The following DLG2 variants were observed in gnomAD, a reference collection of about 807,000 sequenced individuals.
DLG2 encodes the protein discs large MAGUK scaffold protein 2, also known as disks large homolog 2.
In DLG2, 45 loss-of-function variants were observed where a neutral mutation model predicts 132.5. The ratio of observed to expected loss-of-function variants is 0.34; its 90% confidence interval spans 0.27 to 0.44. The LOEUF is 0.44. Ranked by LOEUF, DLG2 falls within the 20% of genes least tolerant of loss-of-function variation. The pLI is 1.00. For synonymous variants in DLG2, 424 were observed against 419.6 expected (o/e 1.01, Z -0.13); for missense variants, 1,045 against 1,196.9 (o/e 0.87, Z 1.87).
intron 9 of DLG2, among the ~76,000 whole-genome samples, chr11:84,130,808 C>A (rs894297889): frequency 6.6e-6 from 1 of 151,346 alleles, no homozygotes; most frequent in African/African-American, 2.4e-5. Context: ...AGCAAATGGC[C>A]CCAGTTGCTT....
intron 10 of DLG2, among the ~76,000 whole-genome samples, chr11:84,098,615 C>A (rs756698502): frequency 6.6e-6 from 1 of 152,028 alleles, no homozygotes; most frequent in East Asian, 1.9e-4. Context: ...ATTATTTGCC[C>A]GTTAGTTCAT....
intron 6 of DLG2, chr11:84,545,480 A>C: frequency 2.4e-6 from 1 of 417,038 alleles, no homozygotes; most frequent in Non-Finnish European, 4.7e-6. Context: ...AACCACCACC[A>C]AAGCATCCAG....
intron 18 of DLG2, among the ~76,000 whole-genome samples, chr11:83,715,752 A>G (rs2086549066): frequency 6.6e-6 from 1 of 152,166 alleles, no homozygotes; most frequent in African/African-American, 2.4e-5. Context: ...TACTCATCTA[A>G]GCTCCTGCCT....
intron 3 of DLG2, among the ~76,000 whole-genome samples, chr11:85,353,853 G>C (rs1260888997): frequency 2.0e-5 from 3 of 152,080 alleles, no homozygotes; most frequent in Non-Finnish European, 2.9e-5. Context: ...TGGGAGGAAG[G>C]GGGAGGGATA....
intron 7 of DLG2, among the ~76,000 whole-genome samples, chr11:84,448,771 C>T (rs375130719): frequency 1.8e-4 from 28 of 152,050 alleles, no homozygotes; most frequent in African/African-American, 5.8e-4. Context: ...TGTTTCCCTC[C>T]GAACGCCTAT....
chr11:83,503,116 G>T (rs1243202848), intron 21 of DLG2, among the ~76,000 whole-genome samples: 13 of 151,712 alleles, frequency 8.6e-5, no homozygotes, highest in Non-Finnish European at 1.8e-4. Context: ...TGCACGCAAA[G>T]TACTCAAGGG....
At chr11:84,280,035 A>T (rs1021675647) in intron 7 of DLG2, among the ~76,000 whole-genome samples, 1 of 152,336 alleles carries the variant, frequency 6.6e-6, no homozygotes, top group Admixed American at 6.5e-5. Flanking sequence ...CAAACAGTGT[A>T]ACAAGGCAAG....
intron 18 of DLG2, among the ~76,000 whole-genome samples, chr11:83,762,900 G>A (rs536991085): frequency 2.6e-5 from 4 of 152,282 alleles, no homozygotes; most frequent in African/African-American, 9.6e-5. Context: ...ATTGTTATAT[G>A]ACAGCTTCTT....
At chr11:84,711,141 T>C (rs1295024459) in intron 6 of DLG2, among the ~76,000 whole-genome samples, 2 of 151,372 alleles carry the variant, frequency 1.3e-5, no homozygotes, top group Non-Finnish European at 2.9e-5. Flanking sequence ...AGTAAATCCA[T>C]AACCTTATGA....
intron 6 of DLG2, among the ~76,000 whole-genome samples, chr11:84,540,568 T>C (rs1044493460): frequency 4.6e-5 from 7 of 152,038 alleles, no homozygotes; most frequent in African/African-American, 1.4e-4. Context: ...TGTGGAGAAA[T>C]AGGAACACTT....
At chr11:84,042,890 G>A (rs982042532) in intron 11 of DLG2, among the ~76,000 whole-genome samples, 4 of 151,922 alleles carry the variant, frequency 2.6e-5, no homozygotes, top group South Asian at 2.1e-4. Flanking sequence ...AGGGGGTGAG[G>A]TGCAGGGAGG....
intron 11 of DLG2, among the ~76,000 whole-genome samples, chr11:84,029,009 A>G (rs2095618445): frequency 6.6e-6 from 1 of 152,154 alleles, no homozygotes; most frequent in African/African-American, 2.4e-5. Context: ...GAATGAACAA[A>G]TCAACTTTAA....
chr11:85,351,556 A>G (rs1320008182), intron 3 of DLG2, among the ~76,000 whole-genome samples: 1 of 152,192 alleles, frequency 6.6e-6, no homozygotes, highest in Non-Finnish European at 1.5e-5. Flanking sequence ...TTTGTCATAA[A>G]TAGCTCTTAT....
intron 21 of DLG2, among the ~76,000 whole-genome samples, chr11:83,512,860 A>G (rs1025408433): frequency 6.6e-6 from 1 of 152,088 alleles, no homozygotes; most frequent in African/African-American, 2.4e-5. Context: ...AAGGACATGA[A>G]CTCATCATTT....
At chr11:84,238,952 A>G (rs974306961) in intron 8 of DLG2, among the ~76,000 whole-genome samples, 1 of 152,184 alleles carries the variant, frequency 6.6e-6, no homozygotes, top group African/African-American at 2.4e-5. Flanking sequence ...AGAGCCAATA[A>G]ATTGGGCAGC....
chr11:83,491,431 A>G (rs998136497), intron 21 of DLG2, among the ~76,000 whole-genome samples: 3 of 152,058 alleles, frequency 2.0e-5, no homozygotes, highest in Middle Eastern at 3.2e-3. Flanking sequence ...CAAGATGCCA[A>G]TCATTCTAAT....
At chr11:84,124,562 T>C (rs2094076756) in intron 9 of DLG2, among the ~76,000 whole-genome samples, 2 of 152,234 alleles carry the variant, frequency 1.3e-5, no homozygotes, top group African/African-American at 4.8e-5. Context: ...GATAGACGCT[T>C]AACAAATGTT....
At chr11:83,915,419 T>A (rs527369770) in intron 15 of DLG2, among the ~76,000 whole-genome samples, 9 of 152,304 alleles carry the variant, frequency 5.9e-5, no homozygotes, top group Non-Finnish European at 1.0e-4. Context: ...CTATCATCTT[T>A]ATCAGTGAAA....
intron 18 of DLG2, among the ~76,000 whole-genome samples, chr11:83,669,518 TATAAAC>T (rs1327873790): frequency 3.3e-5 from 5 of 152,196 alleles, no homozygotes; most frequent in Non-Finnish European, 7.3e-5. Flanking sequence ...ACAACCCTCT[TATAAAC>T]AGAAGGATCC....
Sources: allele counts gnomAD v4.1 joint callset (sites outside exome capture counted in the v4.1 genomes callset), GRCh38; gene constraint gnomAD v4.1.1; transcripts MANE v1.5; gene names NCBI Gene and HGNC (gene_info 2026-07-23, HGNC 2026-07-21).